CCNY: variants seen among roughly 807,000 people sequenced by gnomAD.
CCNY encodes the protein cyclin Y, also known as cyclin-Y.
In CCNY, 19 loss-of-function variants were observed where a neutral mutation model predicts 42.8. That is an observed-to-expected ratio of 0.44 (90% CI 0.31 to 0.65). The LOEUF (loss-of-function observed/expected upper bound fraction) is 0.65. Among genes scored for constraint, CCNY ranks in the 30% least tolerant of loss-of-function variants. The pLI is 0.07. For missense variants in CCNY, 370 were observed against 437.3 expected, an observed-to-expected ratio of 0.85 and a Z score of 1.37; for synonymous variants, 165 against 162.7, an observed-to-expected ratio of 1.01 and a Z score of -0.11.
intron 4 of CCNY, among the ~76,000 whole-genome samples, chr10:35,517,095 G>C (rs908164517): frequency 6.6e-6 from 1 of 152,124 alleles, no homozygotes; most frequent in South Asian, 2.1e-4. Flanking sequence ...ACACTTGCCT[G>C]GGGTCTGGAG....
At chr10:35,370,214 C>T (rs1304404930) in intron 1 of CCNY, among the ~76,000 whole-genome samples, 5 of 151,886 alleles carry the variant, frequency 3.3e-5, no homozygotes, top group South Asian at 2.1e-4. Context: ...GGCCGTGGCA[C>T]GATCTCGGCT....
chr10:35,261,236 A>G (rs2095719315), intron 3 of CCNY, among the ~76,000 whole-genome samples: 1 of 149,690 alleles, frequency 6.7e-6, no homozygotes, highest in Non-Finnish European at 1.5e-5. Flanking sequence ...AAAAAAAAAA[A>G]AAATTTTTTT....
chr10:35,367,826 A>AT (rs1379034842), intron 1 of CCNY, among the ~76,000 whole-genome samples: 1 of 152,220 alleles, frequency 6.6e-6, no homozygotes, highest in Non-Finnish European at 1.5e-5. Context: ...GATGTGAAAT[A>AT]TTTCGTTTAA....
intron 1 of CCNY, among the ~76,000 whole-genome samples, chr10:35,406,436 C>T (rs943315511): frequency 1.0e-3 from 158 of 151,828 alleles, no homozygotes; most frequent in Middle Eastern, 3.4e-3. Context: ...TGACTCTCAA[C>T]GAGCATGCTG....
chr10:35,459,852 G>A (rs532559847), intron 1 of CCNY, among the ~76,000 whole-genome samples: 8 of 152,234 alleles, frequency 5.3e-5, no homozygotes, highest in Middle Eastern at 6.8e-3. Context: ...TGGGTACTTG[G>A]GGGGAATACA....
At chr10:35,527,059 G>A (rs1285965711) in intron 5 of CCNY, among the ~76,000 whole-genome samples, 1 of 148,404 alleles carries the variant, frequency 6.7e-6, no homozygotes, top group African/African-American at 2.5e-5. Context: ...GAACAGTATT[G>A]GAGAAAACAC....
At chr10:35,294,131 C>T (rs1162162015) in intron 3 of CCNY, among the ~76,000 whole-genome samples, 1 of 152,186 alleles carries the variant, frequency 6.6e-6, no homozygotes, top group African/African-American at 2.4e-5. Flanking sequence ...TGAAACTTTA[C>T]AGAACTCATA....
chr10:35,545,723 A>G (rs1841867417), intron 7 of CCNY, among the ~76,000 whole-genome samples: 1 of 152,174 alleles, frequency 6.6e-6, no homozygotes, highest in Non-Finnish European at 1.5e-5. Context: ...TAAGATTTGT[A>G]TTAAGATCTC....
At chr10:35,318,966 A>T (rs532173227) in intron 3 of CCNY, among the ~76,000 whole-genome samples, 1 of 151,950 alleles carries the variant, frequency 6.6e-6, no homozygotes, top group Admixed American at 6.6e-5. Flanking sequence ...CAGATTTTCT[A>T]TAGTTTATTT....
intron 3 of CCNY, among the ~76,000 whole-genome samples, chr10:35,280,937 G>T (rs1195738741): frequency 2.0e-5 from 3 of 152,136 alleles, no homozygotes; most frequent in Non-Finnish European, 2.9e-5. Context: ...AATGGGCAAA[G>T]GATCTGGAGG....
chr10:35,323,595 C>T (rs909386659), intron 3 of CCNY, among the ~76,000 whole-genome samples: 1 of 152,274 alleles, frequency 6.6e-6, no homozygotes, highest in African/African-American at 2.4e-5. Flanking sequence ...ATCTGATCCA[C>T]AGTGACAGAA....
intron 1 of CCNY, among the ~76,000 whole-genome samples, chr10:35,436,522 G>C (rs1838536459): frequency 6.6e-6 from 1 of 152,186 alleles, no homozygotes; most frequent in Non-Finnish European, 1.5e-5. Flanking sequence ...CAGGGAGAGA[G>C]CTGTTGTGGG....
upstream of CCNY, chr10:35,336,348 G>C (rs1413816908): frequency 1.3e-5 from 2 of 152,228 alleles, no homozygotes; most frequent in African/African-American, 4.8e-5. Flanking sequence ...CCCGAGAGAG[G>C]AGCGGCCCCC....
At chr10:35,533,317 G>A (rs927799617) in intron 7 of CCNY, among the ~76,000 whole-genome samples, 3 of 151,966 alleles carry the variant, frequency 2.0e-5, no homozygotes, top group African/African-American at 4.8e-5. Context: ...CACTTTGCAC[G>A]CTCCTCTGTT....
chr10:35,298,819 G>T (rs148669215), intron 3 of CCNY, among the ~76,000 whole-genome samples: 76 of 152,244 alleles, frequency 5.0e-4, no homozygotes, highest in African/African-American at 1.6e-3. Context: ...ATTGCACCTG[G>T]CCTTGTTGTT....
chr10:35,389,179 A>G (rs1837358279), intron 1 of CCNY, among the ~76,000 whole-genome samples: 1 of 152,128 alleles, frequency 6.6e-6, no homozygotes, highest in Admixed American at 6.5e-5. Flanking sequence ...TAGAACCCTC[A>G]TCTATATCAG....
chr10:35,380,422 A>G (rs1837156870), intron 1 of CCNY, among the ~76,000 whole-genome samples: 1 of 152,220 alleles, frequency 6.6e-6, no homozygotes, highest in South Asian at 2.1e-4. Flanking sequence ...TTTAAAGCCC[A>G]AAGAGACCTT....
At chr10:35,395,816 T>C (rs945982236) in intron 1 of CCNY, among the ~76,000 whole-genome samples, 3 of 152,222 alleles carry the variant, frequency 2.0e-5, no homozygotes, top group East Asian at 1.9e-4. Context: ...AACCCTCACC[T>C]TCAGCTGTCC....
chr10:35,394,937 C>A, intron 1 of CCNY: 1 of 683,982 alleles, frequency 1.5e-6, no homozygotes, highest in Non-Finnish European at 1.8e-6. Context: ...GAGGGCTTCT[C>A]TTTGGAAACT....
Sources: allele counts gnomAD v4.1 joint callset (sites outside exome capture counted in the v4.1 genomes callset), GRCh38; gene constraint gnomAD v4.1.1; transcripts MANE v1.5; gene names NCBI Gene and HGNC (gene_info 2026-07-23, HGNC 2026-07-21).